The following LIN54 variants were observed in gnomAD, a reference collection of about 807,000 sequenced individuals.
The protein encoded by LIN54 is lin-54 DREAM MuvB core complex component, also known as protein lin-54 homolog.
A neutral mutation model predicts 78.7 loss-of-function variants in LIN54; 9 were observed. That is an observed-to-expected ratio of 0.11 (90% CI 0.07 to 0.20). The LOEUF (loss-of-function observed/expected upper bound fraction) is 0.20. Among genes scored for constraint, LIN54 ranks in the 10% least tolerant of loss-of-function variants. The pLI is 1.00. For synonymous variants in LIN54, 269 were observed against 318.4 expected, an observed-to-expected ratio of 0.84 and a Z score of 1.65; for missense variants, 573 against 889.9, an observed-to-expected ratio of 0.64 and a Z score of 4.53.
intron 1 of LIN54, among the ~76,000 whole-genome samples, chr4:82,986,925 T>C (rs1727198299): frequency 6.6e-6 from 1 of 152,184 alleles, no homozygotes; most frequent in Non-Finnish European, 1.5e-5. Context: ...TTAGAAAGGT[T>C]AATTTGCCTA....
intron 1 of LIN54, among the ~76,000 whole-genome samples, chr4:82,995,230 T>G (rs1728091015): frequency 6.6e-6 from 1 of 151,854 alleles, no homozygotes; most frequent in African/African-American, 2.4e-5. Flanking sequence ...ATCTCAGAAG[T>G]TTGAAGCTGC....
chr4:82,968,624 T>C (rs1725410216), intron 4 of LIN54, among the ~76,000 whole-genome samples: 1 of 152,142 alleles, frequency 6.6e-6, no homozygotes, highest in Non-Finnish European at 1.5e-5. Context: ...AAAGATTAAA[T>C]TTAACACACA....
chr4:82,968,826 C>A (rs1725426823), intron 4 of LIN54, among the ~76,000 whole-genome samples: 2 of 152,136 alleles, frequency 1.3e-5, no homozygotes, highest in African/African-American at 2.4e-5. Flanking sequence ...TTTAAAAATG[C>A]AAATTTCATA....
chr4:82,941,239 A>G (rs1722861188), intron 5 of LIN54, among the ~76,000 whole-genome samples: 2 of 150,900 alleles, frequency 1.3e-5, no homozygotes, highest in Admixed American at 6.6e-5. Flanking sequence ...ATGGGCCCCA[A>G]TCAATAGGCT....
rs1420515974 is a variant in LIN54 at position 82,984,416 on chromosome 4, T to G, written c.429A>C (p.Thr143=). The change falls in exon 2 of 13, where the codon ACA becomes ACC. Residue 143 remains threonine, a synonymous_variant. Coordinates refer to ENST00000340417, the MANE Select transcript of LIN54 (RefSeq NM_194282.4). ...LKPDGQKLIL[T]TLGKSGSPIV... is the part of the protein sequence containing the mutation. ...TTGGTGAACCAGACTTGCCCAAAGT[T>G]GTTAAAATTAACTTCTGTCCATCTG... The G allele has an allele frequency of 6.2e-7, 1 of 1,614,226 alleles. No individual in the cohort carries two copies. The highest frequency in any genetic ancestry group is 8.5e-7 in the Non-Finnish European group (1 of 1,180,022).
rs113862053 is a variant in LIN54, at chr4:82,977,171, A to T, written c.808+1712T>A. Among the ~76,000 whole-genome samples the T allele has an allele frequency of 5.1e-3, 772 of 152,078 alleles. 15 individuals are homozygous for T. Among genetic ancestry groups the T allele is most frequent in the African/African-American group, 0.018 (736 of 41,470 alleles). On this transcript the variant is annotated intron_variant, in intron 3 of 12. Coordinates refer to ENST00000340417, the MANE Select transcript of LIN54 (RefSeq NM_194282.4). ...TCCCATTAACTAAAACTTTTCAGGG[A>T]CTCTCTCAGAGTCTCTTCAGAGACT...
intron 4 of LIN54, among the ~76,000 whole-genome samples, chr4:82,947,231 ATATAT>A (rs1211313697): frequency 1.7e-3 from 24 of 13,952 alleles, no homozygotes; most frequent in South Asian, 7.1e-3. Context: ...ATATATATAT[ATATAT>A]TTTTTTTTTT....
At chr4:83,001,860 AGGATAGG>A (rs1728813683) in intron 1 of LIN54, among the ~76,000 whole-genome samples, 1 of 2,682 alleles carries the variant, frequency 3.7e-4, no homozygotes, top group Admixed American at 4.9e-3. Context: ...AAAAAAAAAA[AGGATAGG>A]AAGGAAGGAA....
chr4:82,970,400 A>G lies in LIN54; in HGVS notation c.878T>C (p.Ile293Thr), dbSNP rs1175529883. 4 of 1,613,374 alleles carry G rather than the reference A, an allele frequency of 2.5e-6. No individual in the cohort carries two copies. The South Asian group carries it at 3.3e-5, about 13-fold the overall frequency. ...TGTTGTAGAATTTAAAGTTGATCCA[A>G]TAACACCACTTTCAGATATTGTTAT... ...KTITISESGV[I>T]GSTLNSTTQT... is the part of the protein sequence containing the mutation. The change falls in exon 4 of 13, where the codon ATT becomes ACT. Residue 293 changes from isoleucine to threonine, a missense_variant. Transcript: ENST00000340417.
chr4:82,964,712 AAAAAAAAAG>A lies in LIN54; in HGVS notation c.951+5606_951+5614del, dbSNP rs569613171. ...AGGTGATTAAAAAGCTTTATTGCTC[AAAAAAAAAG>A]AAAAAAAAGAAAAAAATTTAAAAGG... On this transcript the variant is annotated intron_variant, in intron 4 of 12. Coordinates refer to ENST00000340417, the MANE Select transcript of LIN54 (RefSeq NM_194282.4). 0.014 allele frequency among the ~76,000 whole-genome samples: 520 copies of A among 36,314 alleles called. 5 individuals carry two copies. In the African/African-American group the frequency reaches 0.15, roughly 10 times the overall value. 23.8% of individuals were successfully genotyped at this position (36,314 alleles called of 152,430 possible). A position where few individuals can be genotyped will look rare whatever the true frequency, so the allele number is the denominator to read the frequency against.
At chr4:82,994,697 G>A (rs1728044570) in intron 1 of LIN54, among the ~76,000 whole-genome samples, 1 of 85,704 alleles carries the variant, frequency 1.2e-5, no homozygotes, top group Admixed American at 1.4e-4. Context: ...ACCTTGCCCA[G>A]CCAAGAACAT....
intron 1 of LIN54, among the ~76,000 whole-genome samples, chr4:82,988,942 A>C (rs375571195): frequency 2.6e-5 from 4 of 152,056 alleles, no homozygotes; most frequent in East Asian, 3.9e-4. Flanking sequence ...TAATCCCAGC[A>C]CTTTGGGAGG....
At position 82,951,208 on chromosome 4, in the gene LIN54, G is replaced by A. The variant is rs187410040; in HGVS notation, c.952-4734C>T. ...AAGTAAGAAAAGATAAATATTAAAT[G>A]TATTACATGACCAATGACAGTGAAT... On this transcript the variant is annotated intron_variant, in intron 4 of 12. Transcript: ENST00000340417. 1.5e-3 allele frequency among the ~76,000 whole-genome samples: 228 copies of A among 152,254 alleles called. 2 individuals carry two copies. In the East Asian group the frequency reaches 0.018, roughly 12 times the overall value.
intron 4 of LIN54, among the ~76,000 whole-genome samples, chr4:82,952,379 A>G (rs1460412400): frequency 6.6e-6 from 1 of 152,236 alleles, no homozygotes; most frequent in African/African-American, 2.4e-5. Context: ...GGTGCTCAGC[A>G]TTACTAATTA....
chr4:82,962,153 G>A (rs780797068), intron 4 of LIN54, among the ~76,000 whole-genome samples: 1 of 151,948 alleles, frequency 6.6e-6, no homozygotes, highest in African/African-American at 2.4e-5. Flanking sequence ...TTGAACTCCT[G>A]GACTCAAGCA....
In LIN54 at chr4:82,925,828, C is replaced by T. The variant is rs980903033; in HGVS notation, c.*2274G>A. ...TAGCTCTAGTAAATATAAATTTAAT[C>T]TTTCTACTTTGGGATGTAAATAGAG... On this transcript the variant is annotated 3_prime_UTR_variant, in exon 13 of 13. Transcript: ENST00000340417. The T allele has an allele frequency of 3.3e-5, 5 of 152,476 alleles. No individual in the cohort carries two copies. Among genetic ancestry groups the T allele is most frequent in the African/African-American group, 1.2e-4 (5 of 41,414 alleles). The allele number at this position is 152,476 out of a possible 1,614,324, so 9.4% of individuals were successfully genotyped here. A position where few individuals can be genotyped will look rare whatever the true frequency, so the allele number is the denominator to read the frequency against.
intron 11 of LIN54, among the ~76,000 whole-genome samples, chr4:82,931,461 AAAAT>A (rs2126027901): frequency 6.6e-6 from 1 of 152,362 alleles, no homozygotes; most frequent in Non-Finnish European, 1.5e-5. Context: ...TAAAATATCA[AAAAT>A]AAAGGTCATC....
intron 4 of LIN54, among the ~76,000 whole-genome samples, chr4:82,946,842 A>G (rs757913522): frequency 3.9e-5 from 6 of 152,152 alleles, no homozygotes; most frequent in Non-Finnish European, 7.3e-5. Context: ...CAATATAGAG[A>G]AAAGATGATA....
At chr4:82,987,626 C>CA (rs1360215605) in intron 1 of LIN54, among the ~76,000 whole-genome samples, 1 of 152,018 alleles carries the variant, frequency 6.6e-6, no homozygotes. Flanking sequence ...TGAGAACATG[C>CA]AGTGTTTGGT....
Sources: allele counts gnomAD v4.1 joint callset (sites outside exome capture counted in the v4.1 genomes callset), GRCh38; gene constraint gnomAD v4.1.1; transcripts MANE v1.5; gene names NCBI Gene and HGNC (gene_info 2026-07-23, HGNC 2026-07-21).